The following CLIP2 variants were observed in gnomAD, a reference collection of about 807,000 sequenced individuals.
CLIP2 encodes CAP-Gly domain containing linker protein 2, also known as CAP-Gly domain-containing linker protein 2.
A neutral mutation model predicts 111.7 loss-of-function variants in CLIP2; 41 were observed. The observed-to-expected ratio is 0.37, with a 90% CI of 0.29 to 0.48. The LOEUF (loss-of-function observed/expected upper bound fraction) is 0.48. Among genes scored for constraint, CLIP2 ranks in the 20% least tolerant of loss-of-function variants. The probability of loss-of-function intolerance (pLI) is 0.99; values close to 1 mark genes in which losing one functional copy is unlikely to be tolerated. For missense variants in CLIP2, 1,160 were observed against 1,422.1 expected, an observed-to-expected ratio of 0.82 and a Z score of 2.96; for synonymous variants, 660 against 644.2, an observed-to-expected ratio of 1.02 and a Z score of -0.37.
intron 13 of CLIP2, among the ~76,000 whole-genome samples, chr7:74,392,899 G>C (rs1415043950): frequency 7.9e-5 from 12 of 152,172 alleles, no homozygotes; most frequent in Non-Finnish European, 1.0e-4. Context: ...CTTCCAGCAT[G>C]GCGATCACCC....
chr7:74,295,561 T>G (rs1163142183), intron 1 of CLIP2, among the ~76,000 whole-genome samples: 11 of 152,198 alleles, frequency 7.2e-5, no homozygotes, highest in Non-Finnish European at 2.9e-5. Context: ...ATTTGTTTCT[T>G]TACTTTGCTC....
At chr7:74,343,130 G>A (rs1224113019) in intron 3 of CLIP2, among the ~76,000 whole-genome samples, 8 of 151,842 alleles carry the variant, frequency 5.3e-5, no homozygotes, top group Non-Finnish European at 8.8e-5. Flanking sequence ...GGAGGTTGCA[G>A]TGAGCTGAGA....
chr7:74,321,857 C>T (rs988739022), intron 2 of CLIP2, among the ~76,000 whole-genome samples: 19 of 151,990 alleles, frequency 1.3e-4, no homozygotes, highest in African/African-American at 4.3e-4. Context: ...TGTCCTAGAC[C>T]TTCACATTCA....
chr7:74,314,056 G>A (rs533975109), intron 1 of CLIP2, among the ~76,000 whole-genome samples: 5 of 151,806 alleles, frequency 3.3e-5, no homozygotes, highest in South Asian at 2.1e-4. Context: ...GGTGGCGGGC[G>A]CCTGTAGTCT....
intron 1 of CLIP2, among the ~76,000 whole-genome samples, chr7:74,305,824 G>A (rs946196854): frequency 7.3e-6 from 1 of 137,302 alleles, no homozygotes; most frequent in African/African-American, 2.8e-5. Flanking sequence ...CATCTCAGCA[G>A]CCCCCAGCTG....
chr7:74,316,488 C>A (rs1330071400), intron 1 of CLIP2, among the ~76,000 whole-genome samples: 6 of 151,974 alleles, frequency 3.9e-5, no homozygotes, highest in African/African-American at 1.5e-4. Flanking sequence ...TGGCCTCAAG[C>A]AATCCTCCCA....
chr7:74,298,160 C>T (rs1253914975), intron 1 of CLIP2, among the ~76,000 whole-genome samples: 2 of 151,594 alleles, frequency 1.3e-5, no homozygotes, highest in African/African-American at 4.8e-5. Context: ...ACCTGGGCAA[C>T]ATAGTGAGAT....
rs199834223 is a variant in CLIP2 at position 74,376,739 on chromosome 7, G to C, written c.2338G>C (p.Val780Leu). 1 of 1,612,796 alleles carries C rather than the reference G, an allele frequency of 6.2e-7. No individual in the cohort carries two copies. The highest frequency in any genetic ancestry group is 8.5e-7 in the Non-Finnish European group (1 of 1,179,754). Residue 780 changes from valine to leucine, a missense_variant, in exon 10 of 17, where the codon GTC becomes CTC. By Grantham distance (32) the Val-to-Leu change is conservative. Around this residue, in one of 5 missense-constraint regions of CLIP2, gnomAD observed 676 missense variants for 777.8 expected, o/e 0.87. Coordinates refer to ENST00000223398, the MANE Select transcript of CLIP2 (RefSeq NM_003388.5). The surrounding 1 kb of genome is among the most constrained non-coding windows in gnomAD (Gnocchi z 7.1). The stretch of plus-strand genomic sequence containing the variant: ...GGCAGAAGCCCAGGGCAAACAGGAG[G>C]TCGAGAGTTTGCGGGAGAAGCTCCT... ...QRAEAQGKQE[V>L]ESLREKLLVA...
At chr7:74,368,291 G>T (rs935715552) in intron 8 of CLIP2, among the ~76,000 whole-genome samples, 15 of 152,080 alleles carry the variant, frequency 9.9e-5, no homozygotes, top group Non-Finnish European at 1.8e-4. Context: ...GCCGAGGTGG[G>T]CGGATCATGA....
chr7:74,403,249 C>A (rs1193825946), intron 16 of CLIP2, among the ~76,000 whole-genome samples: 2 of 151,580 alleles, frequency 1.3e-5, no homozygotes, highest in Admixed American at 6.6e-5. Flanking sequence ...GAGATCCAGC[C>A]CCGTACAGGC....
intron 13 of CLIP2, among the ~76,000 whole-genome samples, chr7:74,396,683 G>A (rs1012755695): frequency 6.6e-6 from 1 of 152,018 alleles, no homozygotes; most frequent in Non-Finnish European, 1.5e-5. Flanking sequence ...ACCACGACTG[G>A]CTAATTTTTG....
In CLIP2 at chr7:74,315,133, G is replaced by A. The variant is rs564355986; in HGVS notation, c.-67-2347G>A. Among the ~76,000 whole-genome samples, 365 of 152,212 alleles carry A rather than the reference G, an allele frequency of 2.4e-3. 1 individual carries two copies. Among genetic ancestry groups the A allele is most frequent in the Middle Eastern group, 6.8e-3 (2 of 294 alleles). ...TCTACTAAAAATACAAAAATTAGCC[G>A]GGCGTGGTGACGGGTGCCTGTAATC... On this transcript the variant is annotated intron_variant, in intron 1 of 16. Transcript: ENST00000223398.
chr7:74,383,587 A>G (rs1791003057), intron 11 of CLIP2, among the ~76,000 whole-genome samples: 1 of 152,236 alleles, frequency 6.6e-6, no homozygotes, highest in Non-Finnish European at 1.5e-5. Context: ...AAAAATTAAC[A>G]TAACATACAA....
intron 1 of CLIP2, among the ~76,000 whole-genome samples, chr7:74,314,383 C>T (rs557971523): frequency 6.6e-6 from 1 of 151,954 alleles, no homozygotes; most frequent in East Asian, 1.9e-4. Flanking sequence ...CCCAGCTACT[C>T]AGGGGACTGA....
At chr7:74,385,054 A>G (rs1364279309) in intron 11 of CLIP2, among the ~76,000 whole-genome samples, 2 of 148,460 alleles carry the variant, frequency 1.3e-5, no homozygotes, top group South Asian at 2.2e-4. Context: ...AGGTGGGTGG[A>G]TCACTTGAGG....
In CLIP2 at chr7:74,403,957, AGTGTTTGTAACAATAAC is replaced by A. The variant is rs1356898819; in HGVS notation, c.*112_*128del. The A allele has an allele frequency of 8.1e-7, 1 of 1,234,726 alleles. No homozygotes were observed. The highest frequency in any genetic ancestry group is 1.2e-6 in the Non-Finnish European group (1 of 844,556). The allele number at this position is 1,234,726 out of a possible 1,614,324, so 76.5% of individuals were successfully genotyped here. On this transcript the variant is annotated 3_prime_UTR_variant, in exon 17 of 17. Transcript: ENST00000223398. ...GGGACTGTCACTTTGGAGACAAAAC[AGTGTTTGTAACAATAAC>A]GTACTCACCGCCGCGGACAATCCCC...
chr7:74,360,324 A>G, intron 7 of CLIP2, 46 bp downstream of exon 7: 1 of 1,432,134 alleles, frequency 7.0e-7, no homozygotes, highest in Non-Finnish European at 9.6e-7. Flanking sequence ...CCCCTTAAGG[A>G]GGATGAGGAA....
chr7:74,402,445 A>C lies in CLIP2; in HGVS notation c.3129+878A>C, dbSNP rs368881351. Among the ~76,000 whole-genome samples the C allele has an allele frequency of 2.0e-5, 3 of 152,060 alleles. No individual in the cohort carries two copies. In the East Asian group the frequency reaches 5.8e-4, roughly 29 times the overall value. ...GGCAGGAGAATCGCTTGAACCTGGCAGGTGGAGGTTGCAGTGAGCCGAGAT... is the reference window on the plus strand; with the variant it reads ...GGCAGGAGAATCGCTTGAACCTGGCCGGTGGAGGTTGCAGTGAGCCGAGAT... On this transcript the variant is annotated intron_variant, in intron 16 of 16. Coordinates refer to ENST00000223398, the MANE Select transcript of CLIP2 (RefSeq NM_003388.5).
rs537810186 is a variant in CLIP2, at chr7:74,311,225, C to T, written c.-67-6255C>T. ...CGATTTCCTGAACTCGTGATCTGCC[C>T]GCGTCAGCCTCCCAAAGTGCCGGGA... On this transcript the variant is annotated intron_variant, in intron 1 of 16. Coordinates refer to ENST00000223398, the MANE Select transcript of CLIP2 (RefSeq NM_003388.5). Among the ~76,000 whole-genome samples the T allele has an allele frequency of 6.4e-4, 98 of 152,192 alleles. 1 individual carries two copies. The highest frequency in any genetic ancestry group is 6.8e-3 in the Middle Eastern group (2 of 294).
Sources: gnomAD v4.1 joint callset for allele counts (sites outside exome capture counted in the v4.1 genomes callset) on GRCh38, gnomAD v4.1.1 for gene constraint, gnomAD v4.1.1 regional missense constraint, Gnocchi (gnomAD v3.1) non-coding constraint, MANE v1.5 for transcripts, NCBI Gene and HGNC (gene_info 2026-07-23, HGNC 2026-07-21) for gene names.